The following USP3 variants were observed in gnomAD, a reference collection of about 807,000 sequenced individuals.
USP3 encodes the protein ubiquitin specific peptidase 3.
USP3 carries 20 observed loss-of-function variants against 72.3 expected under a neutral mutation model. That is an observed-to-expected ratio of 0.28 (90% CI 0.19 to 0.40). The LOEUF is 0.40. Among genes scored for constraint, USP3 ranks in the 10% least tolerant of loss-of-function variants. The pLI is 1.00. For missense variants in USP3, 479 were observed against 633.9 expected (o/e 0.76, Z 2.62); for synonymous variants, 222 against 225.3 (o/e 0.99, Z 0.13).
chr15:63,561,748 C>T (rs548016824), intron 7 of USP3, among the ~76,000 whole-genome samples: 3 of 152,312 alleles, frequency 2.0e-5, no homozygotes, highest in East Asian at 3.9e-4. Context: ...GATTCTCCAA[C>T]ATAGGAAGAG....
At chr15:63,542,056 T>G in intron 3 of USP3, 1 of 985,302 alleles carries the variant, frequency 1.0e-6, no homozygotes, top group Non-Finnish European at 1.2e-6. Flanking sequence ...TTGTTTCAGA[T>G]GAGTGAAGAA....
At chr15:63,567,925 A>G (rs189180084) in intron 8 of USP3, among the ~76,000 whole-genome samples, 4 of 152,338 alleles carry the variant, frequency 2.6e-5, no homozygotes, top group Non-Finnish European at 5.9e-5. Flanking sequence ...GGATGGTTCA[A>G]GACCTTCTAG....
Position 63,588,719 on chromosome 15 carries a change from G to A in USP3, c.1233G>A (p.Leu411=). 1 of 1,613,706 alleles carries A rather than the reference G, an allele frequency of 6.2e-7. No individual in the cohort carries two copies. Among genetic ancestry groups the A allele is most frequent in the Admixed American group, 1.7e-5 (1 of 59,986 alleles). The change falls in exon 13 of 15, where the codon TTG becomes TTA. Residue 411 remains leucine, a synonymous_variant. Coordinates refer to ENST00000380324, the MANE Select transcript of USP3 (RefSeq NM_006537.4). This position sits in a 1 kb window ranked among gnomAD's most constrained non-coding sequence, Gnocchi z 4.6. ...TCCTCCAGGTGCTATGCTTACATTT[G>A]AAAAGATTTCATTGGACAGCATATT... ...QKLPKVLCLH[L]KRFHWTAYLR...
chr15:63,555,339 C>T (rs908659306), intron 4 of USP3, among the ~76,000 whole-genome samples: 3 of 152,178 alleles, frequency 2.0e-5, no homozygotes, highest in South Asian at 2.1e-4. Context: ...CCGCATGCCC[C>T]GTGGAGCAGC....
At chr15:63,586,554 T>C (rs1300653724) in intron 11 of USP3, 1 of 152,258 alleles carries the variant, frequency 6.6e-6, no homozygotes, top group African/African-American at 2.4e-5. Flanking sequence ...AAGGGATTAT[T>C]AGTGCCAGCC....
intron 7 of USP3, among the ~76,000 whole-genome samples, chr15:63,560,337 A>G (rs1025737347): frequency 1.3e-5 from 2 of 149,364 alleles, no homozygotes; most frequent in East Asian, 4.0e-4. Context: ...AATCGCTTGA[A>G]CCCAAGAGGC....
In USP3 at chr15:63,590,652, C is replaced by A; in HGVS notation, c.1398-9C>A. 1.3e-6 allele frequency: 2 copies of A among 1,542,486 alleles called. No homozygotes were observed. Among genetic ancestry groups the A allele is most frequent in the Non-Finnish European group, 8.7e-7 (1 of 1,143,996 alleles). ...GGTTCTTTTTTCCTTTGGTCTTTTG[C>A]CTTTACAGGGTTGGTTCTGGACATT... On this transcript the variant is annotated splice_polypyrimidine_tract_variant and intron_variant, in intron 14 of 14. Transcript: ENST00000380324.
chr15:63,585,285 G>T (rs539178484), intron 11 of USP3, among the ~76,000 whole-genome samples: 2 of 152,244 alleles, frequency 1.3e-5, no homozygotes, highest in Non-Finnish European at 2.9e-5. Flanking sequence ...ATTTTGAGAA[G>T]AATTGCATTG....
chr15:63,542,737 C>A (rs11632768), intron 3 of USP3, among the ~76,000 whole-genome samples: 162 of 152,218 alleles, frequency 1.1e-3, no homozygotes, highest in Non-Finnish European at 2.0e-3. Flanking sequence ...ACATCATATA[C>A]TAAATGATGA....
chr15:63,532,431 A>G, intron 1 of USP3: 1 of 603,716 alleles, frequency 1.7e-6, no homozygotes, highest in Non-Finnish European at 2.9e-6. Flanking sequence ...TGAGTCAGCA[A>G]TTAAAATGAG....
intron 1 of USP3, chr15:63,530,691 T>C (rs974491950): frequency 8.1e-6 from 3 of 371,500 alleles, no homozygotes; most frequent in African/African-American, 6.6e-5. Context: ...GTACTCCAAA[T>C]CATACCTCAA....
chr15:63,517,384 T>A lies in USP3; in HGVS notation c.91+12554T>A, dbSNP rs569857795. On this transcript the variant is annotated intron_variant, in intron 1 of 14. Coordinates refer to ENST00000380324, the MANE Select transcript of USP3 (RefSeq NM_006537.4). ...GTTCAGAGTATGTTGGTTTTGAAGT[T>A]TTGCTGTGCTCCCTGTATGGTTTCT... 2.6e-5 allele frequency among the ~76,000 whole-genome samples: 4 copies of A among 152,316 alleles called. No homozygotes were observed. In the South Asian group the frequency reaches 8.3e-4, roughly 32 times the overall value.
At chr15:63,576,765 T>C (rs2066871361) in intron 11 of USP3, among the ~76,000 whole-genome samples, 1 of 152,228 alleles carries the variant, frequency 6.6e-6, no homozygotes, top group African/African-American at 2.4e-5. Context: ...GGCTTGATTT[T>C]TATTTAAGAG....
chr15:63,544,465 T>C lies in USP3; in HGVS notation c.284+7309T>C, dbSNP rs2152665331. 2 of 509,700 alleles carry C rather than the reference T, an allele frequency of 3.9e-6. No individual in the cohort carries two copies. Among genetic ancestry groups the C allele is most frequent in the Non-Finnish European group, 6.9e-6 (2 of 288,590 alleles). 31.6% of individuals were successfully genotyped at this position (509,700 alleles called of 1,614,324 possible). ...CAATCCAAAGTTATTGTTTTGACTT[T>C]AGTAGACTAGTGTTTTGTCTTTTAG... is the stretch of plus-strand genomic sequence containing the variant. On this transcript the variant is annotated intron_variant, in intron 3 of 14. Coordinates refer to ENST00000380324, the MANE Select transcript of USP3 (RefSeq NM_006537.4). This position sits in a 1 kb window ranked among gnomAD's most constrained non-coding sequence, Gnocchi z 4.2.
At chr15:63,506,840 T>C (rs1443799491) in intron 1 of USP3, among the ~76,000 whole-genome samples, 4 of 152,210 alleles carry the variant, frequency 2.6e-5, no homozygotes, top group Non-Finnish European at 5.9e-5. Flanking sequence ...CTTGGATTTG[T>C]AGAACCAATA....
rs760470372 is a variant in USP3 at position 63,528,716 on chromosome 15, CTA to C, written c.92-3928_92-3927del. On this transcript the variant is annotated intron_variant, in intron 1 of 14. Transcript: ENST00000380324. This position sits in a 1 kb window ranked among gnomAD's most constrained non-coding sequence, Gnocchi z 4.3. ...AGGTAAACTTTTGAATCTCATCTAT[CTA>C]TAAATTGAAACTACCTTTTATAATA... 1.9e-4 allele frequency among the ~76,000 whole-genome samples: 29 copies of C among 152,098 alleles called. No individual in the cohort carries two copies. The highest frequency in any genetic ancestry group is 3.4e-4 in the Non-Finnish European group (23 of 68,020).
At chr15:63,578,279 CAAAG>C (rs1244762335) in intron 11 of USP3, among the ~76,000 whole-genome samples, 6 of 150,282 alleles carry the variant, frequency 4.0e-5, no homozygotes, top group African/African-American at 1.2e-4. Flanking sequence ...GTCTCAAAAA[CAAAG>C]AAAAGAAAAA....
chr15:63,527,106 G>A (rs1448579332), intron 1 of USP3, among the ~76,000 whole-genome samples: 2 of 152,030 alleles, frequency 1.3e-5, no homozygotes, highest in African/African-American at 4.8e-5. Context: ...TGTGTTGCCC[G>A]GGCTGGTCTT....
chr15:63,564,958 A>G (rs2066663944), intron 8 of USP3, among the ~76,000 whole-genome samples: 1 of 152,214 alleles, frequency 6.6e-6, no homozygotes, highest in African/African-American at 2.4e-5. Context: ...TGCTTTTTAC[A>G]GCTCTTACCC....
Sources: gnomAD v4.1 joint callset for allele counts (sites outside exome capture counted in the v4.1 genomes callset) on GRCh38, gnomAD v4.1.1 for gene constraint, Gnocchi (gnomAD v3.1) non-coding constraint, MANE v1.5 for transcripts, NCBI Gene and HGNC (gene_info 2026-07-23, HGNC 2026-07-21) for gene names.